The following HSPH1 variants were observed in gnomAD, a reference collection of about 807,000 sequenced individuals.
The protein encoded by HSPH1 is heat shock protein 105 kDa.
A neutral mutation model predicts 100.0 loss-of-function variants in HSPH1; 40 were observed. The observed-to-expected ratio is 0.40, with a 90% CI of 0.31 to 0.52. The LOEUF is 0.52. HSPH1 is among the 20% of genes least tolerant of loss of function. The pLI is 0.54. For missense variants in HSPH1, 876 were observed against 1,015.1 expected, an observed-to-expected ratio of 0.86 and a Z score of 1.86; for synonymous variants, 403 against 344.0, an observed-to-expected ratio of 1.17 and a Z score of -1.90.
intron 2 of HSPH1, among the ~76,000 whole-genome samples, chr13:31,156,698 C>A (rs1241409668): frequency 1.3e-5 from 2 of 152,192 alleles, no homozygotes; most frequent in South Asian, 4.1e-4. Context: ...TTATCTACAC[C>A]AAAAAGTAGA....
intron 12 of HSPH1, among the ~76,000 whole-genome samples, chr13:31,142,461 T>C (rs1956130438): frequency 6.6e-6 from 1 of 152,042 alleles, no homozygotes; most frequent in African/African-American, 2.4e-5. Context: ...ATGCATGCTC[T>C]GAGGGCATGA....
Position 31,152,966 on chromosome 13 carries a change from A to G in HSPH1, c.430-15T>C. The G allele has an allele frequency of 6.4e-7, 1 of 1,556,198 alleles. No homozygotes were observed. Among genetic ancestry groups the G allele is most frequent in the South Asian group, 1.1e-5 (1 of 89,758 alleles). ...AAGGAGGGGACCTACAAACAAACAA[A>G]AAATTTTGAATTATCTAGAACACAA... is the stretch of plus-strand genomic sequence containing the variant. On this transcript the variant is annotated splice_polypyrimidine_tract_variant and intron_variant, in intron 4 of 17. Transcript: ENST00000320027.
In HSPH1 at chr13:31,158,704, AC is replaced by A. The variant is rs369273261; in HGVS notation, c.165+101del. On this transcript the variant is annotated intron_variant, in intron 2 of 17. Transcript: ENST00000320027. ...AATTACATTTTTAAAACTCAAAAAT[AC>A]ATAAACTTAGGCACACTTTACCCTC... 164 of 728,872 alleles carry A rather than the reference AC, an allele frequency of 2.3e-4. 2 individuals are homozygous for A. In the Middle Eastern group the frequency reaches 3.4e-3, roughly 15 times the overall value. 45.2% of individuals were successfully genotyped at this position (728,872 alleles called of 1,614,324 possible). A position where few individuals can be genotyped will look rare whatever the true frequency, so the allele number is the denominator to read the frequency against.
At chr13:31,153,220 A>G (rs1956551136) in intron 4 of HSPH1, among the ~76,000 whole-genome samples, 1 of 152,194 alleles carries the variant, frequency 6.6e-6, no homozygotes, top group African/African-American at 2.4e-5. Flanking sequence ...GAGTTTCATA[A>G]GACATATTCA....
Position 31,161,532 on chromosome 13 carries a change from T to C in HSPH1, c.51A>G (p.Val17=), listed in dbSNP as rs375210129. The C allele has an allele frequency of 1.2e-6, 2 of 1,613,810 alleles. No homozygotes were observed. Among genetic ancestry groups the C allele is most frequent in the Non-Finnish European group, 1.7e-6 (2 of 1,179,940 alleles). ...DVGSQSCYIA[V]ARAGGIETIA... ...TGGTCTCGATGCCCCCGGCCCGGGCTACCGCGATGTAGCAGCTCTGCGAGC... is the reference window on the plus strand; with the variant it reads ...TGGTCTCGATGCCCCCGGCCCGGGCCACCGCGATGTAGCAGCTCTGCGAGC... The change falls in exon 1 of 18, where the codon GTA becomes GTG. Residue 17 remains valine, a synonymous_variant. Transcript: ENST00000320027.
At chr13:31,158,717 C>T in intron 2 of HSPH1, 89 bp downstream of exon 2, 1 of 798,434 alleles carries the variant, frequency 1.3e-6, no homozygotes, top group Non-Finnish European at 2.2e-6. Context: ...TAAACTTAGG[C>T]ACACTTTACC....
Position 31,161,892 on chromosome 13 carries a change from G to T in HSPH1, c.-310C>A, listed in dbSNP as rs1320174377. 2.7e-6 allele frequency: 4 copies of T among 1,496,810 alleles called. No homozygotes were observed. Among genetic ancestry groups the T allele is most frequent in the Non-Finnish European group, 3.6e-6 (4 of 1,124,336 alleles). The allele number at this position is 1,496,810 out of a possible 1,614,324, so 92.7% of individuals were successfully genotyped here. A position where few individuals can be genotyped will look rare whatever the true frequency, so the allele number is the denominator to read the frequency against. On this transcript the variant is annotated 5_prime_UTR_variant, in exon 1 of 18. Transcript: ENST00000320027. ...CGGCTCGCACACCGGCGCCGGCGCT[G>T]AACTACCGACCCAAAAGGGGAGGTC... is the stretch of plus-strand genomic sequence containing the variant.
intron 1 of HSPH1, among the ~76,000 whole-genome samples, chr13:31,160,819 C>T (rs887909847): frequency 3.3e-5 from 5 of 152,204 alleles, no homozygotes; most frequent in Non-Finnish European, 5.9e-5. Context: ...CGACAATGAT[C>T]CCGGGCATTA....
chr13:31,139,118 A>ATT lies in HSPH1; in HGVS notation c.1981-12_1981-11insAA. 1 of 1,476,134 alleles carries ATT rather than the reference A, an allele frequency of 6.8e-7. No homozygotes were observed. Among genetic ancestry groups the ATT allele is most frequent in the South Asian group, 1.1e-5 (1 of 88,172 alleles). The allele number at this position is 1,476,134 out of a possible 1,614,324, so 91.4% of individuals were successfully genotyped here. ...AAAATTTTGATGATCCTTAACACAAAATATGACAATATTAGTGGCACTCGT... is the reference window on the plus strand; with the variant it reads ...AAAATTTTGATGATCCTTAACACAAATTATATGACAATATTAGTGGCACTCGT... On this transcript the variant is annotated splice_polypyrimidine_tract_variant and intron_variant, in intron 14 of 17. Transcript: ENST00000320027.
chr13:31,155,081 A>C (rs1956634252), intron 3 of HSPH1, among the ~76,000 whole-genome samples: 1 of 152,216 alleles, frequency 6.6e-6, no homozygotes, highest in Admixed American at 6.5e-5. Flanking sequence ...CTAACTGAAG[A>C]GATGAATCAC....
chr13:31,138,730 T>C (rs1955975345), intron 16 of HSPH1, 51 bp downstream of exon 16: 1 of 1,571,648 alleles, frequency 6.4e-7, no homozygotes, highest in African/African-American at 1.4e-5. Context: ...AAGTGTTAGC[T>C]TATTAAAATC....
chr13:31,149,908 C>T (rs376339623), intron 8 of HSPH1, 46 bp downstream of exon 8: 44 of 1,452,764 alleles, frequency 3.0e-5, no homozygotes, highest in Non-Finnish European at 4.0e-5. Flanking sequence ...CCAGTGGAAA[C>T]TGTTTAAAGA....
chr13:31,154,893 G>A, intron 3 of HSPH1, 138 bp from the exon 4 acceptor site: 37 of 665,798 alleles, frequency 5.6e-5, no homozygotes, highest in South Asian at 1.3e-4. Context: ...GAAGAAGGAA[G>A]AAAAGGAGGA....
intron 5 of HSPH1, 44 bp downstream of exon 5, chr13:31,152,808 G>A (rs1453433956): frequency 1.3e-5 from 17 of 1,263,440 alleles, no homozygotes; most frequent in Non-Finnish European, 2.0e-5. Flanking sequence ...AACATCTTTA[G>A]TTCTGATAGT....
intron 10 of HSPH1, among the ~76,000 whole-genome samples, chr13:31,146,150 AATCT>A (rs1375963750): frequency 2.9e-4 from 44 of 152,166 alleles, no homozygotes; most frequent in African/African-American, 1.1e-3. Flanking sequence ...AATCAATAAA[AATCT>A]ATCTGTGTAA....
chr13:31,150,314 G>A (rs970975874), intron 7 of HSPH1, 132 bp from the exon 8 acceptor site: 2 of 617,332 alleles, frequency 3.2e-6, no homozygotes, highest in Admixed American at 6.1e-5. Context: ...TAGCTGTATT[G>A]TAGTTTATAG....
chr13:31,151,495 C>A, intron 6 of HSPH1, 114 bp downstream of exon 6: 1 of 984,472 alleles, frequency 1.0e-6, no homozygotes. Context: ...AACATCTTTA[C>A]CTAAAATAAA....
intron 3 of HSPH1, among the ~76,000 whole-genome samples, chr13:31,155,289 A>G (rs982178489): frequency 1.3e-5 from 2 of 152,212 alleles, no homozygotes; most frequent in African/African-American, 4.8e-5. Flanking sequence ...ACAATTGCCA[A>G]AAAGTCAGAA....
chr13:31,143,972 T>C (rs765880974), intron 11 of HSPH1, 49 bp from the exon 12 acceptor site: 15 of 1,442,762 alleles, frequency 1.0e-5, no homozygotes, highest in Non-Finnish European at 1.2e-5. Flanking sequence ...GGTGTACTTG[T>C]ATAAATTTTT....
Sources: allele counts gnomAD v4.1 joint callset (sites outside exome capture counted in the v4.1 genomes callset), GRCh38; gene constraint gnomAD v4.1.1; transcripts MANE v1.5; gene names NCBI Gene and HGNC (gene_info 2026-07-23, HGNC 2026-07-21).